Variants in ATP11C observed in about 807,000 individuals in gnomAD.
The protein encoded by ATP11C is ATPase phospholipid transporting 11C (ATP11C blood group).
A neutral mutation model predicts 97.4 loss-of-function variants in ATP11C; 36 were observed. That is an observed-to-expected ratio of 0.37 (90% CI 0.28 to 0.49). The LOEUF (loss-of-function observed/expected upper bound fraction) is 0.49. ATP11C is among the 20% of genes least tolerant of loss of function. The pLI is 0.98. For missense variants in ATP11C, 730 were observed against 824.6 expected, an observed-to-expected ratio of 0.89 and a Z score of 1.40; for synonymous variants, 275 against 290.9, an observed-to-expected ratio of 0.95 and a Z score of 0.56.
intron 26 of ATP11C, among the ~76,000 whole-genome samples, chrX:139,743,006 G>A (rs2081602212): frequency 9.3e-6 from 1 of 107,385 alleles, no homozygotes; most frequent in Non-Finnish European, 1.9e-5. Context: ...AAAGTGCTGG[G>A]ATTATAGGCA....
At chrX:139,805,097 G>A (rs922807797) in intron 5 of ATP11C, among the ~76,000 whole-genome samples, 2 of 111,349 alleles carry the variant, frequency 1.8e-5, no homozygotes, top group African/African-American at 6.5e-5. Flanking sequence ...AATTAGAGAG[G>A]CATTGATTTT....
At position 139,774,715 on chromosome X, in the gene ATP11C, G is replaced by T; in HGVS notation, c.2191C>A (p.Pro731Thr). The change falls in exon 19 of 30, where the codon CCT becomes ACT. Residue 731 changes from proline (P) to threonine (T), a missense_variant. Physicochemically the swap from Pro to Thr is conservative, Grantham distance 38. Coordinates refer to ENST00000682941, the MANE Select transcript of ATP11C (RefSeq NM_001353812.2). ...EYRKKLLHEF[P>T]KSTRSFKKAW... The stretch of plus-strand genomic sequence containing the variant: ...TTTTTAAAGCTTCTAGTACTTTTAG[G>T]AAACTCATGCAGCAATTTCTTGCGA... The T allele has an allele frequency of 8.3e-7, 1 of 1,208,469 alleles. No homozygotes were observed. The highest frequency in any genetic ancestry group is 3.0e-5 in the East Asian group (1 of 33,849).
chrX:139,789,626 G>A (rs1437615251), intron 12 of ATP11C, 138 bp from the exon 13 acceptor site: 2 of 435,206 alleles, frequency 4.6e-6, no homozygotes, highest in Non-Finnish European at 7.5e-6. Flanking sequence ...GGGAATTACA[G>A]AGACAATATT....
At chrX:139,747,948 C>T (rs2081728200) in intron 24 of ATP11C, among the ~76,000 whole-genome samples, 1 of 111,736 alleles carries the variant, frequency 8.9e-6, no homozygotes, top group Admixed American at 9.5e-5. Context: ...ATTTTTGCAT[C>T]AGATGTGGCA....
At chrX:139,770,756 G>T (rs190024376) in intron 19 of ATP11C, among the ~76,000 whole-genome samples, 2 of 111,536 alleles carry the variant, frequency 1.8e-5, no homozygotes, top group African/African-American at 6.5e-5. Flanking sequence ...AGGAAGATGG[G>T]CTGATCTGAG....
intron 1 of ATP11C, among the ~76,000 whole-genome samples, chrX:139,897,012 G>A (rs989073145): frequency 9.0e-6 from 1 of 110,878 alleles, no homozygotes; most frequent in Admixed American, 9.7e-5. Context: ...CAGATGGCTT[G>A]AGCTCAGGAG....
chrX:139,919,917 T>C (rs1039402313), intron 1 of ATP11C, among the ~76,000 whole-genome samples: 41 of 109,160 alleles, frequency 3.8e-4, no homozygotes, highest in African/African-American at 1.3e-3. Context: ...AGACTCTGTC[T>C]CAATAAAAAA....
At chrX:139,800,163 T>C in intron 7 of ATP11C, 53 bp from the exon 8 acceptor site, 3 of 901,363 alleles carry the variant, frequency 3.3e-6, no homozygotes, top group Non-Finnish European at 4.8e-6. Flanking sequence ...GTGAAATCCA[T>C]GTACCAGAAA....
chrX:139,788,965 C>T (rs1464196635), intron 13 of ATP11C, among the ~76,000 whole-genome samples: 3 of 111,304 alleles, frequency 2.7e-5, no homozygotes, highest in Non-Finnish European at 3.8e-5. Flanking sequence ...CTTTGGGGGA[C>T]GGAGGGTGGT....
chrX:139,789,239 G>T, intron 13 of ATP11C, 88 bp downstream of exon 13: 3 of 712,519 alleles, frequency 4.2e-6, no homozygotes, highest in Non-Finnish European at 6.1e-6. Context: ...TCTATGTCAT[G>T]TGTCCACCTA....
At chrX:139,741,125 A>G in intron 26 of ATP11C, 31 bp from the exon 27 acceptor site, 2 of 963,408 alleles carry the variant, frequency 2.1e-6, no homozygotes, top group Non-Finnish European at 3.0e-6. Context: ...AGATTTCACG[A>G]CGGTTACGAA....
chrX:139,892,315 C>G (rs2084743629), intron 1 of ATP11C, among the ~76,000 whole-genome samples: 1 of 111,720 alleles, frequency 9.0e-6, no homozygotes, highest in South Asian at 3.7e-4. Context: ...ATCCAAGTGA[C>G]AAGAGCACAT....
chrX:139,807,719 G>A (rs1227476477), intron 5 of ATP11C, among the ~76,000 whole-genome samples: 1 of 111,326 alleles, frequency 9.0e-6, no homozygotes, highest in Admixed American at 9.5e-5. Context: ...GGAGGCCAAG[G>A]TGGGAGGACC....
At chrX:139,780,737 C>T (rs758667763) in intron 18 of ATP11C, among the ~76,000 whole-genome samples, 7 of 111,911 alleles carry the variant, frequency 6.3e-5, no homozygotes, top group South Asian at 3.8e-4. Flanking sequence ...TGGAATACTA[C>T]GCAGCCATAA....
chrX:139,731,743 A>G lies in ATP11C; in HGVS notation c.3301T>C (p.Cys1101Arg). 1.7e-6 allele frequency: 2 copies of G among 1,180,469 alleles called. No homozygotes were observed. The highest frequency in any genetic ancestry group is 2.3e-6 in the Non-Finnish European group (2 of 874,115). Residue 1101 changes from cysteine (C) to arginine (R), a missense_variant, in exon 29 of 30, where the codon TGT becomes CGT. Coordinates refer to ENST00000682941, the MANE Select transcript of ATP11C (RefSeq NM_001353812.2). ...GATAATGAGTCAGATGCCCTTCTAC[A>G]GCTCAGATTTCTCTGTAATAGTGAG... ...RRRSARRNLS[C>R]RRASDSLSAR...
Position 139,763,438 on chromosome X carries a change from G to A in ATP11C, c.2392-20C>T. The A allele has an allele frequency of 8.7e-7, 1 of 1,153,265 alleles. No homozygotes were observed. The highest frequency in any genetic ancestry group is 1.2e-6 in the Non-Finnish European group (1 of 844,016). ...GACAATCTAAATATTAAATACAAAA[G>A]AGGTGTAAAAAAGGTCAAAGAAGAA... On this transcript the variant is annotated intron_variant, in intron 20 of 29. Transcript: ENST00000682941.
At chrX:139,852,615 G>A (rs1272268129) in intron 1 of ATP11C, among the ~76,000 whole-genome samples, 2 of 109,212 alleles carry the variant, frequency 1.8e-5, no homozygotes, top group Non-Finnish European at 3.8e-5. Context: ...CTAAATATGT[G>A]TATGCGTGAA....
chrX:139,743,168 A>C (rs921255613), intron 26 of ATP11C, among the ~76,000 whole-genome samples: 9 of 108,920 alleles, frequency 8.3e-5, no homozygotes, highest in African/African-American at 3.0e-4. Context: ...TCAAGTACTT[A>C]ACATAATCAC....
chrX:139,767,548 G>A (rs993895070), intron 20 of ATP11C, among the ~76,000 whole-genome samples: 3 of 111,738 alleles, frequency 2.7e-5, no homozygotes, highest in Non-Finnish European at 3.8e-5. Flanking sequence ...TTTTGTGACG[G>A]TAGGGAATCC....
Sources: allele counts gnomAD v4.1 joint callset (sites outside exome capture counted in the v4.1 genomes callset), GRCh38; gene constraint gnomAD v4.1.1; transcripts MANE v1.5; gene names NCBI Gene and HGNC (gene_info 2026-07-23, HGNC 2026-07-21).